MCU: variants seen among roughly 807,000 people sequenced by gnomAD.
MCU encodes calcium uniporter protein, mitochondrial.
In MCU, 12 loss-of-function variants were observed where a neutral mutation model predicts 45.2. That is an observed-to-expected ratio of 0.27 (90% CI 0.17 to 0.43). MCU has a LOEUF of 0.43. MCU is among the 20% of genes least tolerant of loss of function. The pLI is 1.00. For missense variants in MCU, 324 were observed against 436.7 expected (o/e 0.74, Z 2.30); for synonymous variants, 160 against 165.1 (o/e 0.97, Z 0.24).
At chr10:72,785,996 A>G (rs1299528087) in intron 1 of MCU, among the ~76,000 whole-genome samples, 1 of 152,242 alleles carries the variant, frequency 6.6e-6, no homozygotes, top group African/African-American at 2.4e-5. Flanking sequence ...GAGGAGATGA[A>G]GATTGTCCGT....
At chr10:72,708,742 T>C (rs975663255) in intron 1 of MCU, among the ~76,000 whole-genome samples, 1 of 152,228 alleles carries the variant, frequency 6.6e-6, no homozygotes, top group African/African-American at 2.4e-5. Flanking sequence ...GACTTCTCTT[T>C]GATTCATGAA....
intron 1 of MCU, chr10:72,756,895 G>A (rs1843584293): frequency 6.6e-6 from 1 of 151,890 alleles, no homozygotes; most frequent in African/African-American, 2.4e-5. Flanking sequence ...ATGTGAAGCT[G>A]GGCTCAGTGG....
intron 1 of MCU, among the ~76,000 whole-genome samples, chr10:72,725,845 T>C (rs1455401020): frequency 6.6e-6 from 1 of 151,880 alleles, no homozygotes; most frequent in Non-Finnish European, 1.5e-5. Flanking sequence ...GATTGCACCA[T>C]TGCACTCCAG....
intron 1 of MCU, among the ~76,000 whole-genome samples, chr10:72,825,060 CT>C (rs1031115650): frequency 6.6e-6 from 1 of 152,040 alleles, no homozygotes; most frequent in Non-Finnish European, 1.5e-5. Flanking sequence ...CTGTACTGAT[CT>C]TTTTTTATTC....
chr10:72,718,973 G>T (rs1032737348), intron 1 of MCU, among the ~76,000 whole-genome samples: 1 of 152,114 alleles, frequency 6.6e-6, no homozygotes, highest in Admixed American at 6.6e-5. Flanking sequence ...TTTGTTGGGG[G>T]TTTGGGGAAA....
chr10:72,724,008 C>CTTT (rs1371353799), intron 1 of MCU, among the ~76,000 whole-genome samples: 4 of 152,152 alleles, frequency 2.6e-5, no homozygotes, highest in African/African-American at 9.7e-5. Flanking sequence ...AAAGCCCATC[C>CTTT]TTTTGTCTCT....
rs374429962 is a variant in MCU, at chr10:72,743,412, C to CAAA, written c.150+51129_150+51131dup. Among the ~76,000 whole-genome samples, 490 of 73,318 alleles carry CAAA rather than the reference C, an allele frequency of 6.7e-3. 7 individuals are homozygous for CAAA. The highest frequency in any genetic ancestry group is 9.1e-3 in the Non-Finnish European group (377 of 41,540). The allele number at this position is 73,318 out of a possible 152,430, so 48.1% of individuals were successfully genotyped here. On this transcript the variant is annotated intron_variant, in intron 1 of 7. Transcript: ENST00000373053. ...TGCATGACAGAGTGATACTCCATCT[C>CAAA]AAAAAAAAAAAAAAAAAAAAGGTTT...
At chr10:72,807,682 A>G (rs1844473375) in intron 1 of MCU, among the ~76,000 whole-genome samples, 1 of 152,182 alleles carries the variant, frequency 6.6e-6, no homozygotes, top group African/African-American at 2.4e-5. Context: ...AGCTTTGCTC[A>G]GAAAATAGAC....
chr10:72,882,197 T>C (rs545576853), intron 6 of MCU, among the ~76,000 whole-genome samples: 36 of 152,346 alleles, frequency 2.4e-4, no homozygotes, highest in Non-Finnish European at 5.0e-4. Flanking sequence ...TCCTGTCAGC[T>C]GAGGAGGAAG....
intron 1 of MCU, among the ~76,000 whole-genome samples, chr10:72,819,563 CCTAGGCTGTAATAA>C (rs1374637984): frequency 6.6e-6 from 1 of 152,058 alleles, no homozygotes; most frequent in Middle Eastern, 3.2e-3. Flanking sequence ...CTTTCAGTTT[CCTAGGCTGTAATAA>C]CTCATCAACC....
At chr10:72,715,768 T>C in intron 1 of MCU, 1 of 552,034 alleles carries the variant, frequency 1.8e-6, no homozygotes, top group Non-Finnish European at 2.3e-6. Flanking sequence ...GCAGGTCATC[T>C]TGTAAATTTT....
At chr10:72,744,579 G>A (rs1452862995) in intron 1 of MCU, among the ~76,000 whole-genome samples, 4 of 152,208 alleles carry the variant, frequency 2.6e-5, no homozygotes, top group Admixed American at 6.5e-5. Flanking sequence ...ACAGTGAGCC[G>A]AGATGGTGCC....
At chr10:72,874,078 T>C (rs1249286339) in intron 6 of MCU, among the ~76,000 whole-genome samples, 2 of 152,208 alleles carry the variant, frequency 1.3e-5, no homozygotes, top group Non-Finnish European at 2.9e-5. Context: ...GCTCTGGCTG[T>C]TCAAGGTTTT....
At chr10:72,862,050 C>T (rs1323696414) in intron 4 of MCU, among the ~76,000 whole-genome samples, 3 of 145,918 alleles carry the variant, frequency 2.1e-5, no homozygotes, top group African/African-American at 7.6e-5. Context: ...GGCACAATAT[C>T]GGCTCACTGC....
chr10:72,867,401 T>C (rs1240357124), intron 4 of MCU, among the ~76,000 whole-genome samples: 2 of 152,170 alleles, frequency 1.3e-5, no homozygotes, highest in Admixed American at 1.3e-4. Flanking sequence ...CAATAGAGGA[T>C]ATTGAATGAA....
At chr10:72,719,300 C>G (rs112958566) in intron 1 of MCU, among the ~76,000 whole-genome samples, 2,860 of 152,202 alleles carry the variant, frequency 0.019, 82 homozygotes, top group African/African-American at 0.065. Flanking sequence ...GGAGCTGTTA[C>G]AGTCTTAGTC....
chr10:72,855,229 A>G (rs1403800169), intron 2 of MCU, among the ~76,000 whole-genome samples: 1 of 152,098 alleles, frequency 6.6e-6, no homozygotes, highest in Admixed American at 6.5e-5. Context: ...ACAGAGCAAG[A>G]CCCTATCTCA....
intron 1 of MCU, among the ~76,000 whole-genome samples, chr10:72,725,645 T>A (rs1336023716): frequency 6.6e-6 from 1 of 151,896 alleles, no homozygotes; most frequent in Non-Finnish European, 1.5e-5. Context: ...TCCCAACACT[T>A]TGGGAGGCTG....
chr10:72,757,840 C>A (rs1051343625), intron 1 of MCU, among the ~76,000 whole-genome samples: 1 of 152,112 alleles, frequency 6.6e-6, no homozygotes, highest in Non-Finnish European at 1.5e-5. Flanking sequence ...GATTAACAAG[C>A]GAAAAACAAG....
Sources: allele counts gnomAD v4.1 joint callset (sites outside exome capture counted in the v4.1 genomes callset), GRCh38; gene constraint gnomAD v4.1.1; transcripts MANE v1.5; gene names NCBI Gene and HGNC (gene_info 2026-07-23, HGNC 2026-07-21).